Variants in F8 observed in about 807,000 individuals in gnomAD.
F8 encodes the protein antihemophilic factor.
Under a neutral mutation model 140.6 loss-of-function variants are expected in F8, and 12 were observed. That is an observed-to-expected ratio of 0.09 (90% CI 0.05 to 0.14). The LOEUF (loss-of-function observed/expected upper bound fraction) is 0.14. Among genes scored for constraint, F8 ranks in the 10% least tolerant of loss-of-function variants. The pLI is 1.00. For missense variants in F8, 1,354 were observed against 1,720.7 expected, an observed-to-expected ratio of 0.79 and a Z score of 3.77; for synonymous variants, 585 against 614.6, an observed-to-expected ratio of 0.95 and a Z score of 0.71.
At chrX:154,960,957 G>A in intron 10 of F8, 118 bp downstream of exon 10, 1 of 519,578 alleles carries the variant, frequency 1.9e-6, no homozygotes, top group Non-Finnish European at 3.4e-6. Context: ...TTAGACTGGA[G>A]CTTGAGGTCC....
chrX:154,946,609 A>T (rs2073306180), intron 13 of F8, among the ~76,000 whole-genome samples: 1 of 112,068 alleles, frequency 8.9e-6, no homozygotes, highest in Admixed American at 9.5e-5. Context: ...ACAACCTGAA[A>T]GTATGAAACT....
chrX:154,923,279 C>A (rs1331105045), intron 14 of F8, among the ~76,000 whole-genome samples: 1 of 112,280 alleles, frequency 8.9e-6, no homozygotes, highest in Admixed American at 9.4e-5. Context: ...TGTATCCTCT[C>A]TTGGCTTGTA....
intron 1 of F8, among the ~76,000 whole-genome samples, chrX:155,008,699 C>T (rs1177603697): frequency 1.8e-5 from 2 of 110,364 alleles, no homozygotes; most frequent in East Asian, 5.7e-4. Context: ...GGCCACGCAC[C>T]TTCCTTCCCA....
Position 154,930,020 on chromosome X carries a change from C to G in F8, c.3770G>C (p.Gly1257Ala). 8.3e-7 allele frequency: 1 copy of G among 1,211,072 alleles called. No homozygotes were observed. Among genetic ancestry groups the G allele is most frequent in the Non-Finnish European group, 1.1e-6 (1 of 895,131 alleles). Residue 1257 changes from glycine (G) to alanine (A), a missense_variant, in exon 14 of 26, where the codon GGT becomes GCT. By Grantham distance (60) the Gly-to-Ala change is moderately conservative. This residue lies in a region of F8 where 658 missense variants were observed against 666.5 expected (regional missense o/e 0.99). Transcript: ENST00000360256. ...FLLSTRQNVE[G>A]SYDGAYAPVL... The stretch of plus-strand genomic sequence containing the variant: ...TGGAGCATATGCCCCGTCATATGAA[C>G]CTTCTACATTTTGCCTAGTGCTCAG...
intron 14 of F8, among the ~76,000 whole-genome samples, chrX:154,910,935 G>C (rs1557276704): frequency 9.0e-6 from 1 of 111,093 alleles, no homozygotes; most frequent in Admixed American, 9.5e-5. Flanking sequence ...AGACAGGCTA[G>C]TGGCAATACT....
Position 154,945,588 on chromosome X carries a change from T to C in F8, c.2113+2110A>G, listed in dbSNP as rs372991753. 3.6e-5 allele frequency among the ~76,000 whole-genome samples: 4 copies of C among 112,024 alleles called. No individual in the cohort carries two copies. The East Asian group carries it at 1.1e-3, about 31-fold the overall frequency. ...CTAAACAAACTGGGTATAGAAAGCT[T>C]ACCTCAAAACAATAAATGCCATATA... On this transcript the variant is annotated intron_variant, in intron 13 of 25. Transcript: ENST00000360256.
Position 154,928,678 on chromosome X carries a change from A to C in F8, c.5112T>G (p.Asn1704Lys). ...TCTTTTGAAAGCTGCGGGGGCTCTG[A>C]TTTTCATCCTCATCATAAATGTCAA... ...EDFDIYDEDENQSPRSFQKKT... is the reference protein window; with the variant it reads ...EDFDIYDEDEKQSPRSFQKKT... The change falls in exon 14 of 26, where the codon AAT becomes AAG. Residue 1704 changes from asparagine to lysine, a missense_variant. By Grantham distance (94) the Asn-to-Lys change is moderately conservative. Coordinates refer to ENST00000360256, the MANE Select transcript of F8 (RefSeq NM_000132.4). 8.3e-7 allele frequency: 1 copy of C among 1,209,415 alleles called. No individual in the cohort carries two copies. Among genetic ancestry groups the C allele is most frequent in the Non-Finnish European group, 1.1e-6 (1 of 894,589 alleles).
intron 4 of F8, among the ~76,000 whole-genome samples, chrX:154,990,041 C>T (rs1202102068): frequency 8.9e-6 from 1 of 111,971 alleles, no homozygotes; most frequent in African/African-American, 3.2e-5. Context: ...TATCCTTTTC[C>T]ATCTTTATGC....
At chrX:154,916,618 T>C (rs1557277128) in intron 14 of F8, among the ~76,000 whole-genome samples, 1 of 111,544 alleles carries the variant, frequency 9.0e-6, no homozygotes, top group Non-Finnish European at 1.9e-5. Context: ...AGTGAAACTT[T>C]GTATTTTTGT....
chrX:154,905,553 A>G (rs1557276284), intron 15 of F8, among the ~76,000 whole-genome samples: 1 of 111,918 alleles, frequency 8.9e-6, no homozygotes, highest in East Asian at 2.8e-4. Context: ...CAACGAATAG[A>G]TATTTTCAGA....
chrX:154,872,528 TCA>T (rs1249724906), intron 22 of F8, among the ~76,000 whole-genome samples: 1 of 75,088 alleles, frequency 1.3e-5, no homozygotes, highest in Non-Finnish European at 2.3e-5. Context: ...GAGTGGAACA[TCA>T]CACGCTGGGG....
chrX:154,839,426 C>G lies in F8; in HGVS notation c.6901-1674G>C, dbSNP rs782713624. Among the ~76,000 whole-genome samples the G allele has an allele frequency of 5.3e-4, 56 of 106,545 alleles. No individual in the cohort carries two copies. In the East Asian group the frequency reaches 6.1e-3, roughly 12 times the overall value. The allele number at this position is 106,545 out of a possible 115,157, so 92.5% of individuals were successfully genotyped here. A position where few individuals can be genotyped will look rare whatever the true frequency, so the allele number is the denominator to read the frequency against. On this transcript the variant is annotated intron_variant, in intron 25 of 25. Transcript: ENST00000360256. Reference sequence around the variant, plus strand: ...CGCCCAGGCTGGAGTGCAGTGGCACCATCTCGGCTCACTGCAAGCTCCGCC... The same window carrying G: ...CGCCCAGGCTGGAGTGCAGTGGCACGATCTCGGCTCACTGCAAGCTCCGCC...
Position 154,942,562 on chromosome X carries a change from A to T in F8, c.2113+5136T>A, listed in dbSNP as rs782311004. 3.6e-5 allele frequency among the ~76,000 whole-genome samples: 4 copies of T among 111,865 alleles called. No individual in the cohort carries two copies. The South Asian group carries it at 1.5e-3, about 42-fold the overall frequency. ...CCGAAAAGAGTCCAGGACCAGATGG[A>T]TTCACAGCCAAATTCTACCAGAGGT... is the stretch of plus-strand genomic sequence containing the variant. On this transcript the variant is annotated intron_variant, in intron 13 of 25. Transcript: ENST00000360256.
At chrX:154,964,756 G>T (rs782713265) in intron 9 of F8, among the ~76,000 whole-genome samples, 1 of 110,569 alleles carries the variant, frequency 9.0e-6, no homozygotes, top group Non-Finnish European at 1.9e-5. Flanking sequence ...GTGTCTTGGG[G>T]GTGGCAAAGA....
intron 4 of F8, among the ~76,000 whole-genome samples, chrX:154,990,421 T>C (rs1208632322): frequency 8.9e-6 from 1 of 111,973 alleles, no homozygotes; most frequent in East Asian, 2.8e-4. Flanking sequence ...AGAGTCAACA[T>C]TTTACCATTT....
At chrX:154,981,430 C>T (rs186899983) in intron 6 of F8, among the ~76,000 whole-genome samples, 4 of 108,120 alleles carry the variant, frequency 3.7e-5, no homozygotes, top group Non-Finnish European at 5.7e-5. Context: ...GGAAAGAAGA[C>T]AATAGAAGCC....
intron 25 of F8, among the ~76,000 whole-genome samples, chrX:154,847,382 C>T (rs1336323971): frequency 8.9e-6 from 1 of 111,955 alleles, no homozygotes; most frequent in African/African-American, 3.2e-5. Flanking sequence ...AGAGTGTTTT[C>T]CAACTTGGTT....
Position 154,966,539 on chromosome X carries a change from G to A in F8, c.1158C>T (p.Ser386=). The change falls in exon 8 of 26, where the codon TCC becomes TCT. Residue 386 remains serine (S), a synonymous_variant. Transcript: ENST00000360256. ...TGGCAACTGAGCGAATTTGGATAAA[G>A]GAAGGAGAGTTGTCATCATCAAACC... ...VVRFDDDNSP[S]FIQIRSVAKK... The A allele has an allele frequency of 8.3e-7, 1 of 1,211,565 alleles. No individual in the cohort carries two copies.
intron 1 of F8, among the ~76,000 whole-genome samples, chrX:155,012,522 G>C (rs782730458): frequency 9.0e-6 from 1 of 111,216 alleles, no homozygotes; most frequent in Non-Finnish European, 1.9e-5. Flanking sequence ...TGTTGCCCAG[G>C]CTGATCTCAA....
Sources: gnomAD v4.1 joint callset for allele counts (sites outside exome capture counted in the v4.1 genomes callset) on GRCh38, gnomAD v4.1.1 for gene constraint, gnomAD v4.1.1 regional missense constraint, MANE v1.5 for transcripts, NCBI Gene and HGNC (gene_info 2026-07-23, HGNC 2026-07-21) for gene names.